MYT1: variants seen among roughly 807,000 people sequenced by gnomAD.
MYT1 encodes myelin transcription factor I.
In MYT1, 23 loss-of-function variants were observed where a neutral mutation model predicts 123.0. That is an observed-to-expected ratio of 0.19 (90% CI 0.13 to 0.26). The LOEUF (loss-of-function observed/expected upper bound fraction) is 0.26. Ranked by LOEUF, MYT1 falls within the 10% of genes least tolerant of loss-of-function variation. The probability of loss-of-function intolerance (pLI) is 1.00; values close to 1 mark genes in which losing one functional copy is unlikely to be tolerated. For missense variants in MYT1, 1,125 were observed against 1,472.5 expected (o/e 0.76, Z 3.86); for synonymous variants, 518 against 575.3 (o/e 0.90, Z 1.43).
At position 64,202,176 on chromosome 20, in the gene MYT1, C is replaced by T. The variant is rs1983342754; in HGVS notation, c.86+2254C>T. On this transcript the variant is annotated intron_variant, in intron 4 of 22. Coordinates refer to ENST00000328439, the MANE Select transcript of MYT1 (RefSeq NM_004535.3). This position sits in a 1 kb window ranked among gnomAD's most constrained non-coding sequence, Gnocchi z 5.0. Reference sequence around the variant, plus strand: ...CGCCTCCCCACCAGCTCAGGCAGAGCTCCCAGGAAGACAGTCCATTGGTTG... The same window carrying T: ...CGCCTCCCCACCAGCTCAGGCAGAGTTCCCAGGAAGACAGTCCATTGGTTG... Among the ~76,000 whole-genome samples, 1 of 152,252 alleles carries T rather than the reference C, an allele frequency of 6.6e-6. No homozygotes were observed. Among genetic ancestry groups the T allele is most frequent in the African/African-American group, 2.4e-5 (1 of 41,470 alleles).
chr20:64,227,817 G>A, intron 17 of MYT1, 71 bp from the exon 18 acceptor site: 1 of 1,358,582 alleles, frequency 7.4e-7, no homozygotes, highest in Non-Finnish European at 1.0e-6. Flanking sequence ...GAGGGGAGAG[G>A]GTGAGATGAA....
chr20:64,184,985 T>G (rs1424947554), intron 1 of MYT1, among the ~76,000 whole-genome samples: 1 of 152,136 alleles, frequency 6.6e-6, no homozygotes, highest in Admixed American at 6.5e-5. Context: ...TAGTGGGCCC[T>G]CACGTGCCCT....
rs1440691859 is a variant in MYT1, at chr20:64,240,435, G to A, written c.3353G>A (p.Gly1118Asp). ...LLESIKQAVR[G>D]IQV is the part of the protein sequence containing the mutation. The stretch of plus-strand genomic sequence containing the variant: ...GAGAGCATCAAGCAGGCTGTGAGGG[G>A]CATCCAGGTCTAGGCCGTGTGGTAC... Residue 1118 changes from glycine (G) to aspartate (D), a missense_variant, in exon 23 of 23, where the codon GGC becomes GAC. By Grantham distance (94) the Gly-to-Asp change is moderately conservative. Coordinates refer to ENST00000328439, the MANE Select transcript of MYT1 (RefSeq NM_004535.3). 6.2e-7 allele frequency: 1 copy of A among 1,613,110 alleles called. No individual in the cohort carries two copies. Among genetic ancestry groups the A allele is most frequent in the Non-Finnish European group, 8.5e-7 (1 of 1,179,758 alleles).
At chr20:64,201,898 C>T (rs542404255) in intron 4 of MYT1, among the ~76,000 whole-genome samples, 66 of 138,294 alleles carry the variant, frequency 4.8e-4, no homozygotes, top group African/African-American at 1.6e-3. Context: ...CGGGAACCCC[C>T]GTGTGTCGGG....
intron 2 of MYT1, among the ~76,000 whole-genome samples, chr20:64,195,119 G>A (rs553337607): frequency 1.3e-5 from 2 of 152,150 alleles, no homozygotes; most frequent in African/African-American, 4.8e-5. Flanking sequence ...CTCCCAAAGT[G>A]CTGGGATTAC....
rs1983655633 is a variant in MYT1 at position 64,211,201 on chromosome 20, T to G, written c.1292-5T>G. 6.2e-7 allele frequency: 1 copy of G among 1,611,840 alleles called. No homozygotes were observed. Among genetic ancestry groups the G allele is most frequent in the Non-Finnish European group, 8.5e-7 (1 of 1,178,692 alleles). On this transcript the variant is annotated splice_polypyrimidine_tract_variant and splice_region_variant and intron_variant, in intron 7 of 22. Coordinates refer to ENST00000328439, the MANE Select transcript of MYT1 (RefSeq NM_004535.3). The stretch of plus-strand genomic sequence containing the variant: ...GCTCTAACTGATGTGACTTGTGTGT[T>G]TTAGATCCTTCAAGAGCTGAGAAGC...
intron 21 of MYT1, 50 bp downstream of exon 21, chr20:64,237,440 A>G: frequency 7.1e-7 from 1 of 1,409,810 alleles, no homozygotes; most frequent in Non-Finnish European, 9.8e-7. Flanking sequence ...CCCAACCCAA[A>G]CATTCGTCTT....
intron 1 of MYT1, among the ~76,000 whole-genome samples, chr20:64,179,958 C>T (rs1488238766): frequency 7.7e-6 from 1 of 130,378 alleles, no homozygotes; most frequent in Non-Finnish European, 1.6e-5. Flanking sequence ...CACATTTGCA[C>T]ACAGTTACAC....
chr20:64,240,592 T>C lies in MYT1; in HGVS notation c.*144T>C, dbSNP rs1227304976. 2.4e-6 allele frequency: 3 copies of C among 1,249,992 alleles called. No individual in the cohort carries two copies. Among genetic ancestry groups the C allele is most frequent in the Non-Finnish European group, 3.2e-6 (3 of 936,268 alleles). 77.4% of individuals were successfully genotyped at this position (1,249,992 alleles called of 1,614,324 possible). A position where few individuals can be genotyped will look rare whatever the true frequency, so the allele number is the denominator to read the frequency against. On this transcript the variant is annotated 3_prime_UTR_variant, in exon 23 of 23. Transcript: ENST00000328439. ...GGGCGGGTTTATCCAAAGGGATGGC[T>C]GGAAATTGGCCGCTCCCACGAGGCT...
At chr20:64,225,735 A>G (rs186681420) in intron 16 of MYT1, among the ~76,000 whole-genome samples, 3,280 of 152,220 alleles carry the variant, frequency 0.022, 69 homozygotes, top group South Asian at 0.07. Context: ...GGGTCCACAG[A>G]GCCATGAGGG....
At chr20:64,171,561 T>C (rs1167897003) in intron 1 of MYT1, among the ~76,000 whole-genome samples, 1 of 152,180 alleles carries the variant, frequency 6.6e-6, no homozygotes, top group East Asian at 1.9e-4. Flanking sequence ...GGTCTGAGCC[T>C]TTGTCCTTGG....
At chr20:64,221,757 T>C (rs1984009862) in intron 13 of MYT1, 136 bp from the exon 14 acceptor site, 2 of 872,398 alleles carry the variant, frequency 2.3e-6, no homozygotes, top group Non-Finnish European at 3.4e-6. Context: ...CTTCCTCCCT[T>C]ATCCAGAAGA....
intron 16 of MYT1, among the ~76,000 whole-genome samples, chr20:64,225,334 T>G (rs991240872): frequency 6.6e-6 from 1 of 152,204 alleles, no homozygotes; most frequent in Non-Finnish European, 1.5e-5. Context: ...GTTCCTTTCA[T>G]GACTTCCCTG....
intron 22 of MYT1, among the ~76,000 whole-genome samples, chr20:64,240,111 A>G (rs1984673159): frequency 6.6e-6 from 1 of 152,222 alleles, no homozygotes; most frequent in Non-Finnish European, 1.5e-5. Context: ...CATAAAGAGT[A>G]GCTAATGAAT....
At chr20:64,176,973 T>G (rs767507363) in intron 1 of MYT1, among the ~76,000 whole-genome samples, 9 of 152,226 alleles carry the variant, frequency 5.9e-5, no homozygotes, top group Admixed American at 1.3e-4. Flanking sequence ...GAAATAATGA[T>G]AATAATATAA....
intron 1 of MYT1, among the ~76,000 whole-genome samples, chr20:64,183,158 G>A (rs946372883): frequency 2.0e-5 from 3 of 152,154 alleles, no homozygotes; most frequent in Non-Finnish European, 4.4e-5. Flanking sequence ...TTTTGTCCCT[G>A]GCCTCTTTCA....
At chr20:64,230,438 G>A (rs544776539) in intron 18 of MYT1, among the ~76,000 whole-genome samples, 10 of 152,224 alleles carry the variant, frequency 6.6e-5, no homozygotes, top group Admixed American at 4.6e-4. Flanking sequence ...GCTTGAAGCC[G>A]GGAGGCGGAG....
rs1982995593 is a variant in MYT1, at chr20:64,192,476, T to G, written c.-1+2316T>G. On this transcript the variant is annotated intron_variant, in intron 2 of 22. Coordinates refer to ENST00000328439, the MANE Select transcript of MYT1 (RefSeq NM_004535.3). The surrounding 1 kb of genome is among the most constrained non-coding windows in gnomAD (Gnocchi z 5.3). ...GGGGTCAGCCTTCCAGAGGCTGGCT[T>G]CGGACAGGAGATGGGTGGTGAGGAG... Among the ~76,000 whole-genome samples, 1 of 152,118 alleles carries G rather than the reference T, an allele frequency of 6.6e-6. No individual in the cohort carries two copies. The highest frequency in any genetic ancestry group is 1.5e-5 in the Non-Finnish European group (1 of 68,012).
At chr20:64,239,975 C>A in intron 22 of MYT1, 72 bp downstream of exon 22, 2 of 1,571,728 alleles carry the variant, frequency 1.3e-6, no homozygotes, top group Admixed American at 1.7e-5. Context: ...GAGGGCAGGG[C>A]ATCTCCCACC....
Sources: allele counts gnomAD v4.1 joint callset (sites outside exome capture counted in the v4.1 genomes callset), GRCh38; gene constraint gnomAD v4.1.1; non-coding constraint Gnocchi (gnomAD v3.1); transcripts MANE v1.5; gene names NCBI Gene and HGNC (gene_info 2026-07-23, HGNC 2026-07-21).